MUC6: variants seen among roughly 807,000 people sequenced by gnomAD.
The protein encoded by MUC6 is mucin 6, oligomeric mucus/gel-forming (gene/pseudogene), also known as mucin-6.
MUC6 carries 188 observed loss-of-function variants against 201.5 expected under a neutral mutation model. The observed-to-expected ratio is 0.93, with a 90% CI of 0.83 to 1.05. MUC6 has a LOEUF of 1.05. Among genes scored for constraint, MUC6 ranks in the 50% least tolerant of loss-of-function variants. MUC6 has a pLI of 0.00. For synonymous variants in MUC6, 1,228 were observed against 1,389.4 expected (o/e 0.88, Z 2.58); for missense variants, 2,706 against 3,256.9 (o/e 0.83, Z 4.12).
Position 1,028,767 on chromosome 11 carries a change from G to A in MUC6, c.1470C>T (p.Phe490=). The change falls in exon 13 of 33, where the codon TTC becomes TTT. Residue 490 remains phenylalanine (F), a synonymous_variant. Coordinates refer to ENST00000421673, the MANE Select transcript of MUC6 (RefSeq NM_005961.3). ...LPYKTRNITV[F]RQTSTHLQMA... is the part of the protein sequence containing the mutation. Reference sequence around the variant, plus strand: ...TCTGGAGGTGGGTGGACGTCTGCCTGAAGACCGTGATGTTGCCTGCAGGAC... The same window carrying A: ...TCTGGAGGTGGGTGGACGTCTGCCTAAAGACCGTGATGTTGCCTGCAGGAC... 6.2e-7 allele frequency: 1 copy of A among 1,611,434 alleles called. No individual in the cohort carries two copies. The highest frequency in any genetic ancestry group is 8.5e-7 in the Non-Finnish European group (1 of 1,179,800).
intron 26 of MUC6, among the ~76,000 whole-genome samples, chr11:1,023,092 G>A (rs1564838850): frequency 6.6e-6 from 1 of 151,358 alleles, no homozygotes; most frequent in Non-Finnish European, 1.5e-5. Context: ...GTGTGTGTGG[G>A]TGAATGAATG....
chr11:1,029,391 G>C, intron 9 of MUC6, 25 bp from the exon 10 acceptor site: 2 of 1,592,956 alleles, frequency 1.3e-6, no homozygotes, highest in African/African-American at 1.3e-5. Context: ...GGGGGTAGCG[G>C]CATGGTGGGC....
chr11:1,036,334 C>T (rs1857216146), intron 1 of MUC6, among the ~76,000 whole-genome samples: 1 of 152,194 alleles, frequency 6.6e-6, no homozygotes, highest in African/African-American at 2.4e-5. Context: ...GAGCGTCCTC[C>T]CCCGCTGGCT....
chr11:1,028,547 G>A (rs1026641629), intron 13 of MUC6, 99 bp downstream of exon 13: 18 of 1,546,940 alleles, frequency 1.2e-5, no homozygotes, highest in Non-Finnish European at 1.5e-5. Context: ...CGGACACAGA[G>A]GGTTGTGTGA....
At position 1,029,163 on chromosome 11, in the gene MUC6, G is replaced by A. The variant is rs781154747; in HGVS notation, c.1276-13C>T. 53 of 1,609,024 alleles carry A rather than the reference G, an allele frequency of 3.3e-5. No homozygotes were observed. Among genetic ancestry groups the A allele is most frequent in the Non-Finnish European group, 4.2e-5 (50 of 1,178,408 alleles). On this transcript the variant is annotated splice_polypyrimidine_tract_variant and intron_variant, in intron 10 of 32. Coordinates refer to ENST00000421673, the MANE Select transcript of MUC6 (RefSeq NM_005961.3). ...GAAGCTGGGGGCTCTGCGAGGGGGCGGGGCTCAGACACGGGTGGGGTCACC... is the reference window on the plus strand; with the variant it reads ...GAAGCTGGGGGCTCTGCGAGGGGGCAGGGCTCAGACACGGGTGGGGTCACC...
chr11:1,016,589 G>C lies in MUC6; in HGVS notation c.6212C>G (p.Thr2071Ser). The C allele has an allele frequency of 1.9e-6, 3 of 1,613,124 alleles. No homozygotes were observed. Among genetic ancestry groups the C allele is most frequent in the Non-Finnish European group, 1.7e-6 (2 of 1,179,436 alleles). The stretch of plus-strand genomic sequence containing the variant: ...GCTGAATGAGCTGTGGGTTTGGCTG[G>C]TCCCACTGGTGGTCACTGTCATTGG... The part of the protein sequence containing the change: ...APPMTVTTSG[T>S]SQTHSSFSTA... The change falls in exon 31 of 33, where the codon ACC (threonine) becomes AGC (serine). Residue 2071 changes from threonine (T) to serine (S), a missense_variant. Around this residue, in one of 10 missense-constraint regions of MUC6, gnomAD observed 586 missense variants for 488.0 expected, o/e 1.20. Coordinates refer to ENST00000421673, the MANE Select transcript of MUC6 (RefSeq NM_005961.3).
In MUC6 at chr11:1,033,101, T is replaced by G. The variant is rs1590056486; in HGVS notation, c.53-26A>C. The G allele has an allele frequency of 1.2e-6, 2 of 1,612,058 alleles. No individual in the cohort carries two copies. The highest frequency in any genetic ancestry group is 4.5e-5 in the East Asian group (2 of 44,870). On this transcript the variant is annotated intron_variant, in intron 1 of 32. Transcript: ENST00000421673. This position sits in a 1 kb window ranked among gnomAD's most constrained non-coding sequence, Gnocchi z 5.6. ...CTGTGTGGACGGGACCCGCAGTCGG[T>G]GTGGGGCTACCCCGTCGTCCCTGAG...
Position 1,021,289 on chromosome 11 carries a change from A to C in MUC6, c.3527-12T>G. The C allele has an allele frequency of 6.5e-7, 1 of 1,548,450 alleles. No homozygotes were observed. The highest frequency in any genetic ancestry group is 8.7e-7 in the Non-Finnish European group (1 of 1,148,180). ...GCAGTTGTAGCAGCCTAGGGTGGAGAACGGCCAGGGTCTGTGTGACTGGTG... is the reference window on the plus strand; with the variant it reads ...GCAGTTGTAGCAGCCTAGGGTGGAGCACGGCCAGGGTCTGTGTGACTGGTG... On this transcript the variant is annotated splice_polypyrimidine_tract_variant and intron_variant, in intron 26 of 32. Coordinates refer to ENST00000421673, the MANE Select transcript of MUC6 (RefSeq NM_005961.3).
At chr11:1,024,706 T>A in intron 24 of MUC6, 138 bp downstream of exon 24, 1 of 1,384,318 alleles carries the variant, frequency 7.2e-7, no homozygotes, top group Non-Finnish European at 9.6e-7. Context: ...GCAGAGGGTC[T>A]GAAACTCTCT....
chr11:1,020,604 C>G, intron 28 of MUC6, 80 bp downstream of exon 28: 1 of 1,585,250 alleles, frequency 6.3e-7, no homozygotes. Flanking sequence ...TGCTTCCCAC[C>G]CGACAGATTT....
At chr11:1,032,873 G>A (rs1857142046) in intron 2 of MUC6, 140 bp downstream of exon 2, 3 of 661,392 alleles carry the variant, frequency 4.5e-6, no homozygotes, top group Non-Finnish European at 7.6e-6. Context: ...TTGGGTGTAT[G>A]TGCATGTGTG....
intron 26 of MUC6, 98 bp from the exon 27 acceptor site, chr11:1,021,375 T>G: frequency 1.6e-6 from 1 of 610,770 alleles, no homozygotes; most frequent in Non-Finnish European, 2.5e-6. Context: ...CTGCTTTTTT[T>G]TTTTTTTTTT....
chr11:1,019,982 G>C, intron 29 of MUC6, 108 bp downstream of exon 29: 1 of 1,338,210 alleles, frequency 7.5e-7, no homozygotes, highest in Non-Finnish European at 1.0e-6. Context: ...AATCTGCTTA[G>C]TGGCAGATGT....
Position 1,026,409 on chromosome 11 carries a change from C to A in MUC6, c.2464G>T (p.Val822Leu). 1 of 1,608,910 alleles carries A rather than the reference C, an allele frequency of 6.2e-7. No individual in the cohort carries two copies. ...TCACATGGGCACTCCTCGGGGGGCA[C>A]ACACTGCCCGTCGGCATTCTCGTAG... ...GLYENADGQC[V>L]PPEECPCEFS... The change falls in exon 20 of 33, where the codon GTG becomes TTG. Residue 822 changes from valine to leucine, a missense_variant. Transcript: ENST00000421673.
At chr11:1,021,654 C>G (rs796343893) in intron 26 of MUC6, among the ~76,000 whole-genome samples, 4 of 152,166 alleles carry the variant, frequency 2.6e-5, no homozygotes, top group African/African-American at 9.6e-5. Context: ...TACAGTTTCA[C>G]CCGCGCACCT....
chr11:1,031,821 C>A lies in MUC6; in HGVS notation c.348G>T (p.Lys116Asn). ...CGGCCCACCTGACCTACCCGATGTC[C>A]TTGACTGAGATGATGGCTTCGCTCA... ...VTVSEAIISVKDIGVISLPYT... is the reference protein window; with the variant it reads ...VTVSEAIISVNDIGVISLPYT... The change falls in exon 3 of 33, where the codon AAG becomes AAT. Residue 116 changes from lysine to asparagine, a missense_variant. Lys to Asn is a moderately conservative substitution (Grantham distance 94, BLOSUM62 0). Coordinates refer to ENST00000421673, the MANE Select transcript of MUC6 (RefSeq NM_005961.3). 1 of 1,606,836 alleles carries A rather than the reference C, an allele frequency of 6.2e-7. No homozygotes were observed. The highest frequency in any genetic ancestry group is 8.5e-7 in the Non-Finnish European group (1 of 1,177,568).
rs1365053287 is a variant in MUC6 at position 1,016,400 on chromosome 11, C to T, written c.6401G>A (p.Ser2134Asn). The T allele has an allele frequency of 1.2e-6, 2 of 1,613,338 alleles. No homozygotes were observed. Among genetic ancestry groups the T allele is most frequent in the African/African-American group, 1.3e-5 (1 of 74,806 alleles). The change falls in exon 31 of 33, where the codon AGT becomes AAT. Residue 2134 changes from serine to asparagine, a missense_variant. By Grantham distance (46) the Ser-to-Asn change is conservative (BLOSUM62 1). Coordinates refer to ENST00000421673, the MANE Select transcript of MUC6 (RefSeq NM_005961.3). ...AGAAACAGTAGAGGGGGCAGAAGGA[C>T]TGGGAGAAAATGAGGAGGACAGCTG... ...TNQLSSSFSPSPSAPSTVSSY... is the reference protein window; with the variant it reads ...TNQLSSSFSPNPSAPSTVSSY...
chr11:1,030,894 T>C (rs1329597065), intron 6 of MUC6, 53 bp downstream of exon 6: 1 of 1,536,330 alleles, frequency 6.5e-7, no homozygotes, highest in Non-Finnish European at 8.8e-7. Flanking sequence ...CTTGGTGGTC[T>C]CGGCGACCCT....
chr11:1,018,675 G>A lies in MUC6; in HGVS notation c.4126C>T (p.Gln1376Ter). Residue 1376 changes from glutamine to a stop codon, truncating the protein, a stop_gained, in exon 31 of 33, where the codon CAG (glutamine) becomes TAG (stop). Transcript: ENST00000421673. LOFTEE classifies it high-confidence loss of function. ...GTGGGCCTCGTGGGTTGTCCTGGCT[G>A]TGGGGTGGTTGGGCCTGTGGTGCTT... Reference protein sequence around the residue: ...PASTTGPTTPQPGQPTRPTAT... With the variant: ...PASTTGPTTP The A allele has an allele frequency of 1.2e-6, 2 of 1,613,280 alleles. No homozygotes were observed. Among genetic ancestry groups the A allele is most frequent in the Admixed American group, 1.7e-5 (1 of 59,908 alleles).
Sources: gnomAD v4.1 joint callset for allele counts (sites outside exome capture counted in the v4.1 genomes callset) on GRCh38, gnomAD v4.1.1 for gene constraint, gnomAD v4.1.1 regional missense constraint, Gnocchi (gnomAD v3.1) non-coding constraint, MANE v1.5 for transcripts, NCBI Gene and HGNC (gene_info 2026-07-23, HGNC 2026-07-21) for gene names.